Variants in CLSTN1 observed in about 807,000 individuals in gnomAD.
The protein encoded by CLSTN1 is calsyntenin 1.
A neutral mutation model predicts 108.3 loss-of-function variants in CLSTN1; 28 were observed. That is an observed-to-expected ratio of 0.26 (90% CI 0.19 to 0.35). The LOEUF (loss-of-function observed/expected upper bound fraction) is 0.35. Among genes scored for constraint, CLSTN1 ranks in the 10% least tolerant of loss-of-function variants. The pLI, the probability that CLSTN1 is intolerant of heterozygous loss-of-function variation, is 1.00. For synonymous variants in CLSTN1, 524 were observed against 534.9 expected, an observed-to-expected ratio of 0.98 and a Z score of 0.28; for missense variants, 1,157 against 1,302.6, an observed-to-expected ratio of 0.89 and a Z score of 1.72.
intron 2 of CLSTN1, among the ~76,000 whole-genome samples, chr1:9,758,365 G>T (rs1229919843): frequency 2.0e-5 from 3 of 151,792 alleles, no homozygotes; most frequent in African/African-American, 7.2e-5. Context: ...CCAGGCTGGA[G>T]TACAGTGGTA....
In CLSTN1 at chr1:9,823,302, T is replaced by C. The variant is rs1655262060; in HGVS notation, c.91+341A>G. 6.6e-6 allele frequency among the ~76,000 whole-genome samples: 1 copy of C among 152,050 alleles called. No homozygotes were observed. Among genetic ancestry groups the C allele is most frequent in the African/African-American group, 2.4e-5 (1 of 41,402 alleles). On this transcript the variant is annotated intron_variant, in intron 1 of 18. Coordinates refer to ENST00000377298, the MANE Select transcript of CLSTN1 (RefSeq NM_001009566.3). The surrounding 1 kb of genome is among the most constrained non-coding windows in gnomAD (Gnocchi z 6.3). ...CTGACCCTTCGGCCCGTCTGCACGT[T>C]CCCCCAAATCAGCGCAGCCACCACC... is the stretch of plus-strand genomic sequence containing the variant.
chr1:9,764,551 C>T (rs981658771), intron 2 of CLSTN1, among the ~76,000 whole-genome samples: 4 of 147,904 alleles, frequency 2.7e-5, no homozygotes, highest in African/African-American at 7.5e-5. Flanking sequence ...GTGGGAGAAT[C>T]GCTTGAATAT....
At chr1:9,812,568 T>C (rs1454740174) in intron 1 of CLSTN1, among the ~76,000 whole-genome samples, 3 of 152,132 alleles carry the variant, frequency 2.0e-5, no homozygotes, top group South Asian at 4.1e-4. Context: ...TATTGCTGGC[T>C]GGGCACGGTG....
At chr1:9,781,060 G>A in intron 1 of CLSTN1, 1 of 639,138 alleles carries the variant, frequency 1.6e-6, no homozygotes, top group Non-Finnish European at 2.8e-6. Flanking sequence ...TATCCAACCT[G>A]TACTAATCAC....
chr1:9,807,365 AACG>A (rs1654551765), intron 1 of CLSTN1, among the ~76,000 whole-genome samples: 1 of 152,106 alleles, frequency 6.6e-6, no homozygotes, highest in African/African-American at 2.4e-5. Flanking sequence ...ATTATTTACA[AACG>A]ACAACTTCTA....
chr1:9,754,237 T>C (rs1651704530), intron 4 of CLSTN1, among the ~76,000 whole-genome samples: 1 of 152,202 alleles, frequency 6.6e-6, no homozygotes, highest in African/African-American at 2.4e-5. Context: ...ATAGAGTATT[T>C]GGTGTGATAA....
At position 9,731,362 on chromosome 1, in the gene CLSTN1, G is replaced by C. The variant is rs773348768; in HGVS notation, c.2592C>G (p.Ile864Met). The C allele has an allele frequency of 1.9e-6, 3 of 1,614,214 alleles. No individual in the cohort carries two copies. The highest frequency in any genetic ancestry group is 1.1e-5 in the South Asian group (1 of 91,078). Residue 864 changes from isoleucine (I) to methionine (M), a missense_variant, in exon 18 of 19, where the codon ATC becomes ATG. By Grantham distance (10) the Ile-to-Met change is conservative. Coordinates refer to ENST00000377298, the MANE Select transcript of CLSTN1 (RefSeq NM_001009566.3). ...AVVPSTATVV[I>M]VVCVSFLVFM... ...ACACCAGGAAGCTGACGCACACCAC[G>C]ATCACAACTGTCGCAGTGCTGGGGA...
chr1:9,802,889 AT>A (rs1557722271), intron 1 of CLSTN1, among the ~76,000 whole-genome samples: 1 of 150,640 alleles, frequency 6.6e-6, no homozygotes, highest in African/African-American at 2.4e-5. Flanking sequence ...CAGTGACACA[AT>A]CAGGGCTCAC....
intron 13 of CLSTN1, 76 bp from the exon 14 acceptor site, chr1:9,735,250 G>A: frequency 6.6e-7 from 1 of 1,523,792 alleles, no homozygotes; most frequent in Non-Finnish European, 9.1e-7. Context: ...GGCACATGGA[G>A]GTGGGATACA....
At chr1:9,765,212 C>T (rs1652266337) in intron 2 of CLSTN1, among the ~76,000 whole-genome samples, 1 of 151,924 alleles carries the variant, frequency 6.6e-6, no homozygotes, top group South Asian at 2.1e-4. Flanking sequence ...TGGAGAAACC[C>T]CATCTCTACT....
intron 10 of CLSTN1, among the ~76,000 whole-genome samples, chr1:9,737,983 T>C (rs1440384234): frequency 6.6e-6 from 1 of 152,090 alleles, no homozygotes; most frequent in Non-Finnish European, 1.5e-5. Context: ...GGGAAGACAC[T>C]GCGCAGACAA....
chr1:9,773,366 G>A lies in CLSTN1; in HGVS notation c.120C>T (p.Pro40=). The A allele has an allele frequency of 6.2e-7, 1 of 1,613,882 alleles. No homozygotes were observed. The highest frequency in any genetic ancestry group is 8.5e-7 in the Non-Finnish European group (1 of 1,179,850). ...RVNKHKPWLE[P]TYHGIVTEND... ...TCTCTGTGACTATGCCGTGGTAGGT[G>A]GGCTCCAGCCAGGGCTTGTGCTTGT... Residue 40 remains proline (P), a synonymous_variant, in exon 2 of 19, where the codon CCC becomes CCT. Coordinates refer to ENST00000377298, the MANE Select transcript of CLSTN1 (RefSeq NM_001009566.3).
chr1:9,823,798 C>T lies in CLSTN1; in HGVS notation c.-65G>A, dbSNP rs1655287882. The T allele has an allele frequency of 2.3e-6, 2 of 868,000 alleles. No homozygotes were observed. Among genetic ancestry groups the T allele is most frequent in the Non-Finnish European group, 2.8e-6 (2 of 715,356 alleles). 53.8% of individuals were successfully genotyped at this position (868,000 alleles called of 1,614,324 possible). A position where few individuals can be genotyped will look rare whatever the true frequency, so the allele number is the denominator to read the frequency against. On this transcript the variant is annotated 5_prime_UTR_variant, in exon 1 of 19. Coordinates refer to ENST00000377298, the MANE Select transcript of CLSTN1 (RefSeq NM_001009566.3). The surrounding 1 kb of genome is among the most constrained non-coding windows in gnomAD (Gnocchi z 6.3). ...CGCCGAGCGGAGCTCTCGGAGCTCT[C>T]GGGGCTCTAGGGGCCTGGGGCTAGC...
At chr1:9,821,678 G>C (rs1207404377) in intron 1 of CLSTN1, among the ~76,000 whole-genome samples, 1 of 152,106 alleles carries the variant, frequency 6.6e-6, no homozygotes, top group Non-Finnish European at 1.5e-5. Context: ...CCCACAGAGT[G>C]TCTCCAAACT....
At position 9,742,761 on chromosome 1, in the gene CLSTN1, A is replaced by G. The variant is rs150470031; in HGVS notation, c.1356+1123T>C. 4.3e-3 allele frequency among the ~76,000 whole-genome samples: 661 copies of G among 152,332 alleles called. 12 individuals are homozygous for G. Among genetic ancestry groups the G allele is most frequent in the East Asian group, 0.043 (221 of 5,186 alleles). ...CATCTCTACTAAAAATACAAAAATT[A>G]GCCGGGCGTGGTGGCGCACGCCTGT... On this transcript the variant is annotated intron_variant, in intron 9 of 18. Transcript: ENST00000377298.
Position 9,744,476 on chromosome 1 carries a change from G to A in CLSTN1, c.1153C>T (p.Pro385Ser), listed in dbSNP as rs749191900. 1.2e-6 allele frequency: 2 copies of A among 1,611,404 alleles called. No homozygotes were observed. The highest frequency in any genetic ancestry group is 1.7e-6 in the Non-Finnish European group (2 of 1,179,938). Residue 385 changes from proline (P) to serine (S), a missense_variant, in exon 8 of 19, where the codon CCG (proline) becomes TCG (serine). Pro to Ser is a moderately conservative substitution (Grantham distance 74). Coordinates refer to ENST00000377298, the MANE Select transcript of CLSTN1 (RefSeq NM_001009566.3). ...CTCATCCACACCGAGATGGTGAACG[G>A]CTCTTTGGGGCTGACCGACACGACG... The part of the protein sequence containing the change: ...DGVVSVSPKE[P>S]FTISVWMRHG...
chr1:9,800,721 T>G (rs538791377), intron 1 of CLSTN1, among the ~76,000 whole-genome samples: 133 of 133,434 alleles, frequency 1.0e-3, no homozygotes, highest in African/African-American at 3.8e-3. Flanking sequence ...CAGAGTGAGA[T>G]TCCATCTCAA....
intron 9 of CLSTN1, among the ~76,000 whole-genome samples, chr1:9,742,147 A>C (rs1651015679): frequency 6.6e-6 from 1 of 152,208 alleles, no homozygotes; most frequent in Non-Finnish European, 1.5e-5. Context: ...AAACACAAAA[A>C]CATTTATGAG....
chr1:9,792,294 C>T (rs1452291279), intron 1 of CLSTN1, among the ~76,000 whole-genome samples: 2 of 151,460 alleles, frequency 1.3e-5, no homozygotes, highest in African/African-American at 4.8e-5. Context: ...TGACTTCCAT[C>T]CTGAGCTTCC....
Sources: gnomAD v4.1 joint callset for allele counts (sites outside exome capture counted in the v4.1 genomes callset) on GRCh38, gnomAD v4.1.1 for gene constraint, Gnocchi (gnomAD v3.1) non-coding constraint, MANE v1.5 for transcripts, NCBI Gene and HGNC (gene_info 2026-07-23, HGNC 2026-07-21) for gene names.